SSBP2: variants seen among roughly 807,000 people sequenced by gnomAD.
The protein encoded by SSBP2 is single stranded DNA binding protein 2.
Under a neutral mutation model 61.8 loss-of-function variants are expected in SSBP2, and 17 were observed. The observed-to-expected ratio is 0.28, with a 90% CI of 0.19 to 0.41. The LOEUF is 0.41. Among genes scored for constraint, SSBP2 ranks in the 10% least tolerant of loss-of-function variants. SSBP2 has a pLI of 1.00. For synonymous variants in SSBP2, 139 were observed against 141.3 expected (o/e 0.98, Z 0.12); for missense variants, 310 against 458.7 (o/e 0.68, Z 2.96).
intron 6 of SSBP2, among the ~76,000 whole-genome samples, chr5:81,488,471 G>A (rs1766599808): frequency 6.6e-6 from 1 of 151,964 alleles, no homozygotes; most frequent in Non-Finnish European, 1.5e-5. Flanking sequence ...CTTATGATTA[G>A]TGATATTGAG....
chr5:81,655,571 G>A lies in SSBP2; in HGVS notation c.63-5232C>T, dbSNP rs1261551382. ...AATTCTAGAGAGGGAGCCAAAGCCC[G>A]AAATGCAAAATATATCTGGTACAGC... On this transcript the variant is annotated intron_variant, in intron 1 of 16. Transcript: ENST00000320672. Among the ~76,000 whole-genome samples the A allele has an allele frequency of 7.9e-5, 12 of 152,152 alleles. No homozygotes were observed. The East Asian group carries it at 1.5e-3, about 20-fold the overall frequency.
At chr5:81,640,680 C>T (rs1473339206) in intron 2 of SSBP2, among the ~76,000 whole-genome samples, 5 of 151,858 alleles carry the variant, frequency 3.3e-5, no homozygotes, top group Non-Finnish European at 7.4e-5. Flanking sequence ...ACCTATGTCT[C>T]ATCCTTCTCT....
At chr5:81,546,968 TAA>T (rs1771775439) in intron 4 of SSBP2, among the ~76,000 whole-genome samples, 1 of 143,144 alleles carries the variant, frequency 7.0e-6, no homozygotes, top group African/African-American at 2.6e-5. Context: ...CAATGATTGT[TAA>T]AAGTTTTCAC....
At chr5:81,734,597 G>C (rs1205761772) in intron 1 of SSBP2, among the ~76,000 whole-genome samples, 2 of 152,126 alleles carry the variant, frequency 1.3e-5, no homozygotes, top group Non-Finnish European at 2.9e-5. Context: ...CCAATAACTA[G>C]CTAACTTACA....
chr5:81,459,306 C>T (rs1022333702), intron 10 of SSBP2, among the ~76,000 whole-genome samples: 1 of 152,120 alleles, frequency 6.6e-6, no homozygotes, highest in Non-Finnish European at 1.5e-5. Context: ...AATATACCCC[C>T]TTGGTACAAT....
At chr5:81,439,000 T>C (rs537883174) in intron 14 of SSBP2, among the ~76,000 whole-genome samples, 4 of 152,220 alleles carry the variant, frequency 2.6e-5, no homozygotes, top group Non-Finnish European at 2.9e-5. Context: ...TAGTGGCTAG[T>C]GCAATTGGAC....
At chr5:81,719,809 C>G (rs879926341) in intron 1 of SSBP2, among the ~76,000 whole-genome samples, 2 of 152,076 alleles carry the variant, frequency 1.3e-5, no homozygotes, top group Non-Finnish European at 2.9e-5. Flanking sequence ...GCAGGGTAAA[C>G]AGTTTAGGAC....
intron 5 of SSBP2, among the ~76,000 whole-genome samples, chr5:81,494,252 T>G (rs1356233779): frequency 6.6e-6 from 1 of 152,052 alleles, no homozygotes; most frequent in Non-Finnish European, 1.5e-5. Context: ...GTTTCAAAAT[T>G]AGGAAAAACT....
intron 3 of SSBP2, among the ~76,000 whole-genome samples, chr5:81,621,701 C>G (rs1278617643): frequency 1.9e-5 from 1 of 52,380 alleles, no homozygotes; most frequent in Non-Finnish European, 3.5e-5. Flanking sequence ...GACTTGGAAC[C>G]AACCCAAATG....
intron 5 of SSBP2, among the ~76,000 whole-genome samples, chr5:81,489,566 A>G (rs990722946): frequency 1.3e-5 from 2 of 152,202 alleles, no homozygotes; most frequent in African/African-American, 4.8e-5. Flanking sequence ...AAAATCTTTT[A>G]AAAATGTGAA....
chr5:81,706,127 A>C (rs1408413198), intron 1 of SSBP2, among the ~76,000 whole-genome samples: 9 of 152,216 alleles, frequency 5.9e-5, no homozygotes, highest in Non-Finnish European at 2.9e-5. Flanking sequence ...GGGTATATAC[A>C]CCATGGAATA....
At chr5:81,451,071 T>C (rs758818438) in intron 10 of SSBP2, among the ~76,000 whole-genome samples, 1 of 152,228 alleles carries the variant, frequency 6.6e-6, no homozygotes, top group Non-Finnish European at 1.5e-5. Context: ...CCCTGATTTA[T>C]AGTATTTGCC....
At chr5:81,585,289 T>A (rs368285818) in intron 4 of SSBP2, among the ~76,000 whole-genome samples, 1 of 152,226 alleles carries the variant, frequency 6.6e-6, no homozygotes, top group East Asian at 1.9e-4. Flanking sequence ...CTATCTTCAG[T>A]TTAATTCCAG....
intron 9 of SSBP2, 50 bp downstream of exon 9, chr5:81,466,924 A>ATG (rs746227474): frequency 8.7e-7 from 1 of 1,144,440 alleles, no homozygotes; most frequent in Non-Finnish European, 1.3e-6. Flanking sequence ...ATTTATATAT[A>ATG]TAAAATATCA....
Position 81,489,263 on chromosome 5 carries a change from C to G in SSBP2, c.419G>C (p.Arg140Thr). 6.2e-7 allele frequency: 1 copy of G among 1,608,764 alleles called. No individual in the cohort carries two copies. Among genetic ancestry groups the G allele is most frequent in the Non-Finnish European group, 8.5e-7 (1 of 1,178,312 alleles). Residue 140 changes from arginine (R) to threonine (T), a missense_variant, in exon 6 of 17, where the codon AGG (arginine) becomes ACG (threonine). Physicochemically the swap from Arg to Thr is moderately conservative, Grantham distance 71. This residue lies in a region of SSBP2 where 209 missense variants were observed against 286.4 expected (regional missense o/e 0.73). Coordinates refer to ENST00000320672, the MANE Select transcript of SSBP2 (RefSeq NM_012446.5). ...CATAAATCTTACCTGATTAGGTATCCTCAATGGGGGCCTTGGACCTCCAGG... is the reference window on the plus strand; with the variant it reads ...CATAAATCTTACCTGATTAGGTATCGTCAATGGGGGCCTTGGACCTCCAGG...
chr5:81,583,443 C>A (rs1314101553), intron 4 of SSBP2, among the ~76,000 whole-genome samples: 7 of 151,876 alleles, frequency 4.6e-5, no homozygotes, highest in African/African-American at 1.7e-4. Flanking sequence ...TCCTGGCTAA[C>A]ACGGTGAAAC....
At chr5:81,583,437 G>C (rs1368402132) in intron 4 of SSBP2, among the ~76,000 whole-genome samples, 1 of 151,912 alleles carries the variant, frequency 6.6e-6, no homozygotes, top group Non-Finnish European at 1.5e-5. Flanking sequence ...AGACCATCCT[G>C]GCTAACACGG....
At chr5:81,445,069 G>A (rs1273875041) in intron 12 of SSBP2, among the ~76,000 whole-genome samples, 9 of 145,638 alleles carry the variant, frequency 6.2e-5, no homozygotes, top group Non-Finnish European at 1.5e-5. Context: ...CTTGCAGCGA[G>A]CTGAGATTGT....
At chr5:81,537,582 A>G (rs773994011) in intron 4 of SSBP2, among the ~76,000 whole-genome samples, 7 of 152,186 alleles carry the variant, frequency 4.6e-5, no homozygotes, top group East Asian at 1.9e-4. Context: ...ACCTTGAACA[A>G]GTCTCCATTC....
Sources: allele counts gnomAD v4.1 joint callset (sites outside exome capture counted in the v4.1 genomes callset), GRCh38; gene constraint gnomAD v4.1.1; regional missense constraint gnomAD v4.1.1; transcripts MANE v1.5; gene names NCBI Gene and HGNC (gene_info 2026-07-23, HGNC 2026-07-21).